UNC5D: variants seen among roughly 807,000 people sequenced by gnomAD.
UNC5D encodes the protein netrin receptor UNC5D.
Under a neutral mutation model 105.4 loss-of-function variants are expected in UNC5D, and 39 were observed. That is an observed-to-expected ratio of 0.37 (90% CI 0.29 to 0.48). UNC5D has a LOEUF of 0.48. Ranked by LOEUF, UNC5D falls within the 20% of genes least tolerant of loss-of-function variation. The pLI is 0.98. For synonymous variants in UNC5D, 452 were observed against 450.4 expected, an observed-to-expected ratio of 1.00 and a Z score of -0.04; for missense variants, 991 against 1,202.4, an observed-to-expected ratio of 0.82 and a Z score of 2.60.
intron 1 of UNC5D, among the ~76,000 whole-genome samples, chr8:35,498,753 C>A (rs1223636402): frequency 6.6e-6 from 1 of 152,046 alleles, no homozygotes; most frequent in Non-Finnish European, 1.5e-5. Context: ...GATCCACAAA[C>A]CCGGATTTCT....
At chr8:35,558,506 G>T (rs1396219103) in intron 2 of UNC5D, among the ~76,000 whole-genome samples, 1 of 152,144 alleles carries the variant, frequency 6.6e-6, no homozygotes, top group East Asian at 1.9e-4. Flanking sequence ...TTGAAGTATA[G>T]TTTTCGATGC....
intron 1 of UNC5D, among the ~76,000 whole-genome samples, chr8:35,507,209 C>A (rs1043530362): frequency 4.6e-5 from 7 of 150,644 alleles, no homozygotes; most frequent in African/African-American, 1.5e-4. Flanking sequence ...GCGCCCGCCA[C>A]TACGCCCGGC....
chr8:35,374,377 A>C (rs1563355682), intron 1 of UNC5D, among the ~76,000 whole-genome samples: 1 of 152,196 alleles, frequency 6.6e-6, no homozygotes, highest in African/African-American at 2.4e-5. Context: ...AAGGGTAGTG[A>C]GCCATTTCCG....
chr8:35,616,651 C>A, intron 4 of UNC5D, among the ~76,000 whole-genome samples: 1 of 152,168 alleles, frequency 6.6e-6, no homozygotes, highest in East Asian at 1.9e-4. Context: ...CTTTATTCTC[C>A]TCCATCTCCT....
chr8:35,339,908 C>G (rs1185106364), intron 1 of UNC5D, among the ~76,000 whole-genome samples: 1 of 152,150 alleles, frequency 6.6e-6, no homozygotes, highest in Non-Finnish European at 1.5e-5. Context: ...GTGAGGGTCC[C>G]AGGAGCCTGG....
At chr8:35,528,085 G>A (rs1446335159) in intron 1 of UNC5D, among the ~76,000 whole-genome samples, 1 of 123,758 alleles carries the variant, frequency 8.1e-6, no homozygotes, top group African/African-American at 3.1e-5. Flanking sequence ...TAGGGTACAT[G>A]TGCACATTGT....
At chr8:35,247,520 C>A (rs145874181) in intron 1 of UNC5D, among the ~76,000 whole-genome samples, 7,684 of 122,030 alleles carry the variant, frequency 0.063, 349 homozygotes, top group East Asian at 0.17. Flanking sequence ...TTCTCTCTCT[C>A]TCTATATATA....
chr8:35,302,373 A>T lies in UNC5D; in HGVS notation c.103+66486A>T, dbSNP rs917990994. 4.6e-5 allele frequency among the ~76,000 whole-genome samples: 7 copies of T among 152,348 alleles called. No individual in the cohort carries two copies. The East Asian group carries it at 1.4e-3, about 29-fold the overall frequency. On this transcript the variant is annotated intron_variant, in intron 1 of 16. Transcript: ENST00000404895. ...GAGAGGGCTAAACCAAATACAACTG[A>T]AAAATGATGCAACAAAATGACCTTA... is the stretch of plus-strand genomic sequence containing the variant.
At chr8:35,427,381 A>G (rs1374573848) in intron 1 of UNC5D, among the ~76,000 whole-genome samples, 1 of 152,210 alleles carries the variant, frequency 6.6e-6, no homozygotes, top group East Asian at 1.9e-4. Context: ...GCATCTTGCT[A>G]GATGGGAAAA....
intron 1 of UNC5D, among the ~76,000 whole-genome samples, chr8:35,302,834 T>C (rs1202916387): frequency 3.9e-5 from 6 of 152,176 alleles, no homozygotes; most frequent in Admixed American, 1.3e-4. Context: ...CCACTAATAC[T>C]TTATATGTAT....
intron 7 of UNC5D, among the ~76,000 whole-genome samples, chr8:35,704,655 GAGA>G (rs1478344824): frequency 6.6e-6 from 1 of 152,132 alleles, no homozygotes; most frequent in African/African-American, 2.4e-5. Context: ...AAGGACTAAT[GAGA>G]AGGAGGAAGC....
chr8:35,630,063 G>T (rs1232709469), intron 4 of UNC5D, among the ~76,000 whole-genome samples: 1 of 152,080 alleles, frequency 6.6e-6, no homozygotes, highest in Admixed American at 6.5e-5. Context: ...GCATGGAAAA[G>T]ACTTTGTTTG....
chr8:35,750,461 C>T (rs2131640526), intron 12 of UNC5D, 121 bp from the exon 13 acceptor site: 1 of 970,236 alleles, frequency 1.0e-6, no homozygotes, highest in South Asian at 1.5e-5. Context: ...GATAATTGGG[C>T]AATAGGACTA....
rs1374065835 is a variant in UNC5D, at chr8:35,235,900, C to T, written c.103+13C>T. On this transcript the variant is annotated intron_variant, in intron 1 of 16. Coordinates refer to ENST00000404895, the MANE Select transcript of UNC5D (RefSeq NM_080872.4). ...GCGGCTGCCCGAGGTAAGCGCTGGGCGGAGCGGGCAGCTGGGGGCGAGGGC... is the reference window on the plus strand; with the variant it reads ...GCGGCTGCCCGAGGTAAGCGCTGGGTGGAGCGGGCAGCTGGGGGCGAGGGC... 3 of 1,209,976 alleles carry T rather than the reference C, an allele frequency of 2.5e-6. No homozygotes were observed. In the Admixed American group the frequency reaches 1.4e-4, roughly 57 times the overall value. The allele number at this position is 1,209,976 out of a possible 1,614,324, so 75.0% of individuals were successfully genotyped here.
chr8:35,572,644 T>C (rs781672315), intron 3 of UNC5D, among the ~76,000 whole-genome samples: 1 of 152,210 alleles, frequency 6.6e-6, no homozygotes, highest in Non-Finnish European at 1.5e-5. Context: ...TATCAAGTTG[T>C]ATCCAGGTGA....
In UNC5D at chr8:35,549,507, T is replaced by A; in HGVS notation, c.319T>A (p.Ser107Thr). 1.2e-6 allele frequency: 2 copies of A among 1,611,370 alleles called. No individual in the cohort carries two copies. Among genetic ancestry groups the A allele is most frequent in the Non-Finnish European group, 1.7e-6 (2 of 1,179,608 alleles). Residue 107 changes from serine (S) to threonine (T), a missense_variant, in exon 2 of 17, where the codon TCA becomes ACA. Around this residue, in one of 3 missense-constraint regions of UNC5D, gnomAD observed 944 missense variants for 1,131.6 expected, o/e 0.83. Transcript: ENST00000404895. Reference protein sequence around the residue: ...HVSEETLDESSGLKVREVFIN... With the variant: ...HVSEETLDESTGLKVREVFIN... Reference sequence around the variant, plus strand: ...CTCTGAAGAGACTCTGGACGAGAGCTCAGGTAGGAGCGTGCAGCAGTCAGA... The same window carrying A: ...CTCTGAAGAGACTCTGGACGAGAGCACAGGTAGGAGCGTGCAGCAGTCAGA...
intron 1 of UNC5D, among the ~76,000 whole-genome samples, chr8:35,326,017 T>G (rs1810130664): frequency 6.6e-6 from 1 of 152,224 alleles, no homozygotes; most frequent in Non-Finnish European, 1.5e-5. Flanking sequence ...TTTATTTTGT[T>G]CTGTCCTAAG....
intron 1 of UNC5D, among the ~76,000 whole-genome samples, chr8:35,267,601 G>T (rs1479450260): frequency 2.0e-5 from 3 of 152,104 alleles, no homozygotes; most frequent in Non-Finnish European, 4.4e-5. Context: ...ACCATGCCCA[G>T]CTAATTTTTG....
intron 1 of UNC5D, among the ~76,000 whole-genome samples, chr8:35,418,419 C>T: frequency 6.6e-6 from 1 of 152,104 alleles, no homozygotes; most frequent in East Asian, 1.9e-4. Flanking sequence ...GCATTTTGAG[C>T]ATATTGTTGT....
Sources: gnomAD v4.1 joint callset for allele counts (sites outside exome capture counted in the v4.1 genomes callset) on GRCh38, gnomAD v4.1.1 for gene constraint, gnomAD v4.1.1 regional missense constraint, MANE v1.5 for transcripts, NCBI Gene and HGNC (gene_info 2026-07-23, HGNC 2026-07-21) for gene names.